LRRC3B: variants seen among roughly 807,000 people sequenced by gnomAD.
LRRC3B encodes leucine-rich repeat-containing protein 3B.
A neutral mutation model predicts 12.8 loss-of-function variants in LRRC3B; 2 were observed. The ratio of observed to expected loss-of-function variants is 0.16; its 90% CI spans 0.06 to 0.49. The LOEUF is 0.49. LRRC3B is among the 20% of genes least tolerant of loss of function. The pLI is 0.96. For synonymous variants in LRRC3B, 132 were observed against 122.0 expected (o/e 1.08, Z -0.54); for missense variants, 189 against 319.4 (o/e 0.59, Z 3.11).
intron 1 of LRRC3B, among the ~76,000 whole-genome samples, chr3:26,659,718 G>A (rs910289997): frequency 1.3e-5 from 2 of 152,058 alleles, no homozygotes; most frequent in Non-Finnish European, 2.9e-5. Flanking sequence ...GATTTGCTTT[G>A]TTTAGGTTTT....
intron 1 of LRRC3B, among the ~76,000 whole-genome samples, chr3:26,682,282 T>A (rs1337556615): frequency 6.6e-6 from 1 of 152,196 alleles, no homozygotes; most frequent in Non-Finnish European, 1.5e-5. Flanking sequence ...TCCTTTTGTT[T>A]TTTTTACACA....
chr3:26,662,333 T>C (rs1022318784), intron 1 of LRRC3B, among the ~76,000 whole-genome samples: 2 of 152,182 alleles, frequency 1.3e-5, no homozygotes, highest in African/African-American at 4.8e-5. Flanking sequence ...AGGACTGATA[T>C]TCATCTGATA....
chr3:26,685,390 A>G (rs899372988), intron 1 of LRRC3B, among the ~76,000 whole-genome samples: 12 of 148,310 alleles, frequency 8.1e-5, no homozygotes, highest in Non-Finnish European at 5.9e-5. Context: ...AATGCTACCT[A>G]TCTTACTAGT....
intron 1 of LRRC3B, among the ~76,000 whole-genome samples, chr3:26,646,124 C>G (rs1699138819): frequency 6.6e-6 from 1 of 152,176 alleles, no homozygotes; most frequent in Admixed American, 6.5e-5. Flanking sequence ...TTATGATAAA[C>G]TTTCAAAGAA....
At chr3:26,652,690 C>T (rs1261319756) in intron 1 of LRRC3B, among the ~76,000 whole-genome samples, 3 of 151,804 alleles carry the variant, frequency 2.0e-5, no homozygotes, top group African/African-American at 7.3e-5. Context: ...CTTCCAAAAC[C>T]CCTTTATTTT....
chr3:26,709,507 C>A lies in LRRC3B; in HGVS notation c.-160-6C>A. On this transcript the variant is annotated splice_polypyrimidine_tract_variant and splice_region_variant and intron_variant, in intron 1 of 1. Transcript: ENST00000396641. ...AACTAATTGCATCTGTTTCTCTTTC[C>A]TTTAGGTGCCCAAGCAAGGAAAGAA... 1 of 675,128 alleles carries A rather than the reference C, an allele frequency of 1.5e-6. No homozygotes were observed. Among genetic ancestry groups the A allele is most frequent in the East Asian group, 2.6e-5 (1 of 38,530 alleles). 41.8% of individuals were successfully genotyped at this position (675,128 alleles called of 1,614,324 possible).
chr3:26,641,779 AAAT>A (rs1282476936), intron 1 of LRRC3B, among the ~76,000 whole-genome samples: 2 of 151,856 alleles, frequency 1.3e-5, no homozygotes, highest in African/African-American at 4.8e-5. Context: ...AAATTTAAAA[AAAT>A]CAAATTTTTA....
chr3:26,675,338 G>A (rs1699835452), intron 1 of LRRC3B, among the ~76,000 whole-genome samples: 1 of 152,334 alleles, frequency 6.6e-6, no homozygotes. Flanking sequence ...TCAGGCCTAT[G>A]CCATGAGCTC....
chr3:26,658,201 C>T (rs1321721736), intron 1 of LRRC3B, among the ~76,000 whole-genome samples: 9 of 152,100 alleles, frequency 5.9e-5, no homozygotes, highest in South Asian at 2.1e-4. Context: ...CTCAGTCTCC[C>T]GAGTAGCCAC....
chr3:26,686,241 G>A (rs924800120), intron 1 of LRRC3B, among the ~76,000 whole-genome samples: 14 of 151,990 alleles, frequency 9.2e-5, no homozygotes, highest in African/African-American at 2.2e-4. Context: ...CACCACGCCC[G>A]GCTAATTTTT....
intron 1 of LRRC3B, among the ~76,000 whole-genome samples, chr3:26,689,307 A>T (rs941147290): frequency 6.6e-6 from 1 of 152,166 alleles, no homozygotes; most frequent in Non-Finnish European, 1.5e-5. Context: ...TGTTTTGATT[A>T]GGTGTTTCTC....
At chr3:26,706,824 A>G (rs893202709) in intron 1 of LRRC3B, among the ~76,000 whole-genome samples, 2 of 152,214 alleles carry the variant, frequency 1.3e-5, no homozygotes, top group African/African-American at 2.4e-5. Flanking sequence ...ATGTTGCCAT[A>G]TAAGACCAGT....
chr3:26,677,769 AT>A (rs1010429074), intron 1 of LRRC3B, among the ~76,000 whole-genome samples: 18 of 148,888 alleles, frequency 1.2e-4, no homozygotes, highest in Admixed American at 3.3e-4. Context: ...ATAAATAGCC[AT>A]TTTTTTTCTG....
intron 1 of LRRC3B, among the ~76,000 whole-genome samples, chr3:26,654,281 G>A (rs937767499): frequency 6.6e-6 from 1 of 152,152 alleles, no homozygotes; most frequent in African/African-American, 2.4e-5. Context: ...TCCAACAGTG[G>A]GGCTTAGAGA....
chr3:26,672,499 T>C lies in LRRC3B; in HGVS notation c.-160-37014T>C, dbSNP rs200875271. Among the ~76,000 whole-genome samples, 1,841 of 152,296 alleles carry C rather than the reference T, an allele frequency of 0.012. 80 individuals are homozygous for C. In the East Asian group the frequency reaches 0.14, roughly 12 times the overall value. On this transcript the variant is annotated intron_variant, in intron 1 of 1. Transcript: ENST00000396641. The stretch of plus-strand genomic sequence containing the variant: ...TGAGAAGACACTGGGAAGACCACTT[T>C]CCTTTTGAAACAGAAGGTTAATTCT...
At chr3:26,696,429 G>A (rs1286756635) in intron 1 of LRRC3B, among the ~76,000 whole-genome samples, 2 of 152,178 alleles carry the variant, frequency 1.3e-5, no homozygotes, top group African/African-American at 4.8e-5. Flanking sequence ...TCTGTGCATG[G>A]AGGTTTGTTG....
rs1559350159 is a variant in LRRC3B, at chr3:26,636,890, C to CCTTCCTTCCTT, written c.-161+13653_-161+13654insCTTCCTTCCTT. Among the ~76,000 whole-genome samples the CCTTCCTTCCTT allele has an allele frequency of 4.1e-4, 36 of 86,936 alleles. 1 individual carries two copies. The highest frequency in any genetic ancestry group is 7.6e-4 in the Non-Finnish European group (36 of 47,646). The allele number at this position is 86,936 out of a possible 152,430, so 57.0% of individuals were successfully genotyped here. A position where few individuals can be genotyped will look rare whatever the true frequency, so the allele number is the denominator to read the frequency against. ...CCTTCCTTCCTTCCTTCCTTCCTTT[C>CCTTCCTTCCTT]TCTCTCTCTCTCTTTCTCTCTTTCT... On this transcript the variant is annotated intron_variant, in intron 1 of 1. Coordinates refer to ENST00000396641, the Ensembl canonical transcript of LRRC3B.
At chr3:26,666,330 A>G (rs1369862963) in intron 1 of LRRC3B, among the ~76,000 whole-genome samples, 2 of 152,152 alleles carry the variant, frequency 1.3e-5, no homozygotes, top group South Asian at 2.1e-4. Flanking sequence ...AAAGTTTATT[A>G]TAAGACAATT....
In LRRC3B at chr3:26,703,150, T is replaced by C. The variant is rs114631074; in HGVS notation, c.-160-6363T>C. Among the ~76,000 whole-genome samples the C allele has an allele frequency of 8.1e-3, 1,230 of 152,280 alleles. 9 individuals are homozygous for C. The highest frequency in any genetic ancestry group is 0.028 in the African/African-American group (1,173 of 41,562). The stretch of plus-strand genomic sequence containing the variant: ...TGTCCCAACTCTCTTTTCCTAGTTA[T>C]TTTAGTCACAAATACACAGGAATTA... On this transcript the variant is annotated intron_variant, in intron 1 of 1. Coordinates refer to ENST00000396641, the Ensembl canonical transcript of LRRC3B.
Sources: gnomAD v4.1 joint callset for allele counts (sites outside exome capture counted in the v4.1 genomes callset) on GRCh38, gnomAD v4.1.1 for gene constraint, MANE v1.5 for transcripts, NCBI Gene and HGNC (gene_info 2026-07-23, HGNC 2026-07-21) for gene names.